The following MGAT5 variants were observed in gnomAD, a reference collection of about 807,000 sequenced individuals.
MGAT5 encodes the protein alpha-1,6-mannosylglycoprotein 6-beta-N-acetylglucosaminyltransferase, also known as alpha-1,6-mannosylglycoprotein 6-beta-N-acetylglucosaminyltransferase A.
Under a neutral mutation model 94.3 loss-of-function variants are expected in MGAT5, and 30 were observed. The observed-to-expected ratio is 0.32, with a 90% CI of 0.24 to 0.43. The LOEUF (loss-of-function observed/expected upper bound fraction) is 0.43, where lower values mean the gene tolerates loss of function less well. MGAT5 is among the 20% of genes least tolerant of loss of function. The pLI, the probability that MGAT5 is intolerant of heterozygous loss-of-function variation, is 1.00. For synonymous variants in MGAT5, 310 were observed against 322.9 expected (o/e 0.96, Z 0.43); for missense variants, 691 against 905.5 (o/e 0.76, Z 3.04).
At position 134,201,816 on chromosome 2, in the gene MGAT5, C is replaced by CTTTTTT. The variant is rs554227745; in HGVS notation, c.-142-52424_-142-52419dup. 3.2e-4 allele frequency among the ~76,000 whole-genome samples: 22 copies of CTTTTTT among 67,858 alleles called. 2 individuals are homozygous for CTTTTTT. The highest frequency in any genetic ancestry group is 7.7e-4 in the South Asian group (2 of 2,608). The allele number at this position is 67,858 out of a possible 152,430, so 44.5% of individuals were successfully genotyped here. A position where few individuals can be genotyped will look rare whatever the true frequency, so the allele number is the denominator to read the frequency against. On this transcript the variant is annotated intron_variant, in intron 1 of 16. Transcript: ENST00000409645. ...GGCCAGCTCTCTGGGCCAAGCGCTGCTTTTTTTTTTTTTTTTTTTTTTTTT... is the reference window on the plus strand; with the variant it reads ...GGCCAGCTCTCTGGGCCAAGCGCTGCTTTTTTTTTTTTTTTTTTTTTTTTTTTTTTT...
intron 8 of MGAT5, among the ~76,000 whole-genome samples, chr2:134,347,147 C>G (rs1043191745): frequency 6.6e-6 from 1 of 152,172 alleles, no homozygotes; most frequent in Non-Finnish European, 1.5e-5. Flanking sequence ...GCAAAACACA[C>G]AGATGCAGGA....
chr2:134,197,678 A>G (rs1679564803), intron 1 of MGAT5, among the ~76,000 whole-genome samples: 1 of 152,222 alleles, frequency 6.6e-6, no homozygotes, highest in African/African-American at 2.4e-5. Context: ...CAGCTGCTGT[A>G]ACAGAAACCT....
intron 1 of MGAT5, among the ~76,000 whole-genome samples, chr2:134,143,863 C>T (rs901228328): frequency 1.1e-4 from 16 of 152,134 alleles, no homozygotes; most frequent in African/African-American, 3.9e-4. Flanking sequence ...GCACAGTTTT[C>T]TGTTACCACG....
chr2:134,166,405 C>T (rs1335128596), intron 1 of MGAT5, among the ~76,000 whole-genome samples: 1 of 152,244 alleles, frequency 6.6e-6, no homozygotes, highest in Non-Finnish European at 1.5e-5. Flanking sequence ...ACAGCTTAAA[C>T]ATTCTGGGTT....
intron 1 of MGAT5, among the ~76,000 whole-genome samples, chr2:134,195,542 A>G (rs1679453348): frequency 1.3e-5 from 2 of 152,200 alleles, no homozygotes; most frequent in African/African-American, 2.4e-5. Flanking sequence ...TTTATCTCCC[A>G]TATCGGCTGC....
At chr2:134,160,359 A>T (rs536584617) in intron 1 of MGAT5, among the ~76,000 whole-genome samples, 1 of 152,212 alleles carries the variant, frequency 6.6e-6, no homozygotes, top group South Asian at 2.1e-4. Context: ...TTTTTAATAG[A>T]GACAGGGTTT....
chr2:134,245,842 T>A (rs1682228079), intron 1 of MGAT5, among the ~76,000 whole-genome samples: 1 of 152,266 alleles, frequency 6.6e-6, no homozygotes, highest in African/African-American at 2.4e-5. Flanking sequence ...AGCCCTGAAC[T>A]CCACTGAGTG....
intron 2 of MGAT5, among the ~76,000 whole-genome samples, chr2:134,279,517 C>G (rs957316212): frequency 7.9e-5 from 12 of 152,162 alleles, no homozygotes; most frequent in African/African-American, 2.9e-4. Flanking sequence ...ACTGACCCTT[C>G]AAGGAATACA....
rs993195739 is a variant in MGAT5 at position 134,301,371 on chromosome 2, A to G, written c.407-16158A>G. ...TCTTTTTTTCTAAGTAGTAGATTCTATTGCTCTGAAGTTACTCATAACATT... is the reference window on the plus strand; with the variant it reads ...TCTTTTTTTCTAAGTAGTAGATTCTGTTGCTCTGAAGTTACTCATAACATT... On this transcript the variant is annotated intron_variant, in intron 2 of 15. Transcript: ENST00000281923. Among the ~76,000 whole-genome samples the G allele has an allele frequency of 3.9e-5, 6 of 152,078 alleles. No homozygotes were observed. The East Asian group carries it at 7.7e-4, about 20-fold the overall frequency.
chr2:134,336,409 C>G, intron 5 of MGAT5, 121 bp downstream of exon 5: 4 of 757,728 alleles, frequency 5.3e-6, no homozygotes, highest in Non-Finnish European at 8.6e-6. Context: ...TGAAAAACTT[C>G]TGTATTCGTC....
chr2:134,394,922 C>T (rs775333862), intron 10 of MGAT5, among the ~76,000 whole-genome samples: 3 of 152,232 alleles, frequency 2.0e-5, no homozygotes, highest in Non-Finnish European at 2.9e-5. Context: ...ATAAAACATG[C>T]AATTTCAGTT....
At chr2:134,336,382 C>G in intron 5 of MGAT5, 94 bp downstream of exon 5, 1 of 1,036,466 alleles carries the variant, frequency 9.6e-7, no homozygotes, top group Non-Finnish European at 1.5e-6. Flanking sequence ...CAACTATAAC[C>G]TGAAATAGTG....
intron 1 of MGAT5, among the ~76,000 whole-genome samples, chr2:134,156,710 C>T (rs1274625706): frequency 3.3e-5 from 5 of 152,150 alleles, no homozygotes; most frequent in African/African-American, 1.2e-4. Context: ...CCAGTAGCCC[C>T]GGAACAAGTA....
chr2:134,354,611 T>A (rs1679606425), intron 9 of MGAT5, among the ~76,000 whole-genome samples: 1 of 152,188 alleles, frequency 6.6e-6, no homozygotes, highest in African/African-American at 2.4e-5. Flanking sequence ...ATTTCTGTAT[T>A]ATTTTGCCCC....
At chr2:134,406,892 A>T (rs1256936789) in intron 11 of MGAT5, among the ~76,000 whole-genome samples, 1 of 152,108 alleles carries the variant, frequency 6.6e-6, no homozygotes, top group Admixed American at 6.6e-5. Flanking sequence ...CCCTGTCTTT[A>T]AAAAAGGCTG....
chr2:134,262,541 G>C (rs557089101), intron 1 of MGAT5, among the ~76,000 whole-genome samples: 83 of 151,126 alleles, frequency 5.5e-4, no homozygotes, highest in Non-Finnish European at 1.0e-3. Flanking sequence ...ACCACACTAG[G>C]CTAATTTAAA....
At chr2:134,302,218 G>A (rs1686061861) in intron 2 of MGAT5, among the ~76,000 whole-genome samples, 1 of 152,100 alleles carries the variant, frequency 6.6e-6, no homozygotes, top group African/African-American at 2.4e-5. Context: ...GCCAGATTTG[G>A]CTTAAGGGCT....
At chr2:134,134,691 G>A (rs773573234) in intron 1 of MGAT5, among the ~76,000 whole-genome samples, 4 of 152,174 alleles carry the variant, frequency 2.6e-5, no homozygotes, top group Admixed American at 1.3e-4. Flanking sequence ...GGGCATATCA[G>A]CAATTTGGGG....
At chr2:134,150,039 G>C (rs1558957795) in intron 1 of MGAT5, among the ~76,000 whole-genome samples, 1 of 152,288 alleles carries the variant, frequency 6.6e-6, no homozygotes, top group East Asian at 1.9e-4. Flanking sequence ...AAGCCAGCAG[G>C]CAGGGAAGCC....
Sources: allele counts gnomAD v4.1 joint callset (sites outside exome capture counted in the v4.1 genomes callset), GRCh38; gene constraint gnomAD v4.1.1; transcripts MANE v1.5; gene names NCBI Gene and HGNC (gene_info 2026-07-23, HGNC 2026-07-21).